The following ERBB4 variants were observed in gnomAD, a reference collection of about 807,000 sequenced individuals.
ERBB4 encodes the protein erb-b2 receptor tyrosine kinase 4.
A neutral mutation model predicts 158.0 loss-of-function variants in ERBB4; 42 were observed. The observed-to-expected ratio is 0.27, with a 90% CI of 0.21 to 0.34. The LOEUF (loss-of-function observed/expected upper bound fraction) is 0.34. ERBB4 is among the 10% of genes least tolerant of loss of function. ERBB4 has a pLI of 1.00. For synonymous variants in ERBB4, 583 were observed against 558.7 expected (o/e 1.04, Z -0.61); for missense variants, 1,333 against 1,624.1 (o/e 0.82, Z 3.08).
chr2:211,722,847 T>G (rs1306121955), intron 6 of ERBB4, among the ~76,000 whole-genome samples: 3 of 152,242 alleles, frequency 2.0e-5, no homozygotes, highest in Non-Finnish European at 4.4e-5. Flanking sequence ...AGCATTTATA[T>G]TTAGTCTTAA....
chr2:212,375,453 T>C lies in ERBB4; in HGVS notation c.82+162996A>G, dbSNP rs1285367680. ...TGTAATGCAACAATTCTACCATTAA[T>C]ACAACTTTTCTCACTAACGCCACTT... On this transcript the variant is annotated intron_variant, in intron 1 of 27. Transcript: ENST00000342788. Among the ~76,000 whole-genome samples the C allele has an allele frequency of 2.6e-5, 4 of 152,266 alleles. No homozygotes were observed. In the East Asian group the frequency reaches 7.7e-4, roughly 29 times the overall value.
chr2:211,537,929 T>G (rs534785222), intron 20 of ERBB4, among the ~76,000 whole-genome samples: 1 of 151,920 alleles, frequency 6.6e-6, no homozygotes, highest in Non-Finnish European at 1.5e-5. Flanking sequence ...AAATGTGAAA[T>G]TTTATATGTG....
chr2:211,580,787 GATATATATAT>G (rs58919262), intron 19 of ERBB4, among the ~76,000 whole-genome samples: 1 of 67,724 alleles, frequency 1.5e-5, no homozygotes, highest in African/African-American at 5.1e-5. Flanking sequence ...AAGAAATTGT[GATATATATAT>G]ATATATATAT....
intron 1 of ERBB4, among the ~76,000 whole-genome samples, chr2:212,448,333 T>C (rs1439805912): frequency 6.6e-6 from 1 of 152,210 alleles, no homozygotes; most frequent in Non-Finnish European, 1.5e-5. Context: ...GAAATGTCTA[T>C]ATAATTTTGA....
intron 5 of ERBB4, among the ~76,000 whole-genome samples, chr2:211,725,604 T>C (rs1030643591): frequency 7.2e-5 from 11 of 152,072 alleles, no homozygotes; most frequent in Admixed American, 3.9e-4. Flanking sequence ...TTGGGCAGCA[T>C]AGTGGGACTC....
intron 1 of ERBB4, among the ~76,000 whole-genome samples, chr2:212,170,385 G>C (rs960871678): frequency 5.3e-5 from 8 of 152,152 alleles, no homozygotes; most frequent in African/African-American, 1.9e-4. Flanking sequence ...TAAAAGTTTG[G>C]AAAATTTGCA....
chr2:212,350,263 T>A (rs187106099), intron 1 of ERBB4, among the ~76,000 whole-genome samples: 71 of 152,246 alleles, frequency 4.7e-4, no homozygotes, highest in Non-Finnish European at 1.8e-4. Flanking sequence ...GCTGACAACA[T>A]AACTATTTAG....
chr2:211,599,610 C>T (rs1320909211), intron 19 of ERBB4, among the ~76,000 whole-genome samples: 1 of 150,514 alleles, frequency 6.6e-6, no homozygotes, highest in Non-Finnish European at 1.5e-5. Context: ...TGTTAAATGT[C>T]TTCTTTCACC....
At chr2:212,072,411 T>G (rs1000625017) in intron 2 of ERBB4, among the ~76,000 whole-genome samples, 1 of 151,882 alleles carries the variant, frequency 6.6e-6, no homozygotes, top group Non-Finnish European at 1.5e-5. Flanking sequence ...AATTCACAAA[T>G]CCTTAAAATT....
chr2:211,567,932 C>T (rs62180221), intron 19 of ERBB4, among the ~76,000 whole-genome samples: 1,745 of 151,776 alleles, frequency 0.011, 24 homozygotes, highest in South Asian at 0.063. Flanking sequence ...CATAGAGTGT[C>T]GGCTTTCAAT....
At chr2:211,779,517 C>T (rs2075981872) in intron 4 of ERBB4, 1 of 152,212 alleles carries the variant, frequency 6.6e-6, no homozygotes, top group Non-Finnish European at 1.5e-5. Context: ...TACAGCACTT[C>T]CTTGGTCTAT....
chr2:211,431,605 A>T (rs2063749858), intron 20 of ERBB4, among the ~76,000 whole-genome samples: 1 of 151,006 alleles, frequency 6.6e-6, no homozygotes, highest in Non-Finnish European at 1.5e-5. Flanking sequence ...AGGCTGAAGA[A>T]TTATACTATT....
At chr2:212,224,296 C>T (rs937671221) in intron 1 of ERBB4, among the ~76,000 whole-genome samples, 5 of 151,732 alleles carry the variant, frequency 3.3e-5, no homozygotes, top group African/African-American at 4.8e-5. Context: ...GCAAAGTCAG[C>T]GTACTGTGAC....
intron 2 of ERBB4, among the ~76,000 whole-genome samples, chr2:212,004,346 A>C (rs1411345634): frequency 1.3e-5 from 2 of 152,184 alleles, no homozygotes; most frequent in African/African-American, 2.4e-5. Context: ...GATACCCACA[A>C]AATGCTAGAA....
At chr2:212,043,113 C>A (rs553754791) in intron 2 of ERBB4, among the ~76,000 whole-genome samples, 2 of 152,218 alleles carry the variant, frequency 1.3e-5, no homozygotes, top group South Asian at 4.1e-4. Flanking sequence ...CTGTTAGTAC[C>A]TTTATGCTTT....
intron 2 of ERBB4, among the ~76,000 whole-genome samples, chr2:212,050,754 T>A (rs1342805616): frequency 6.6e-6 from 1 of 151,928 alleles, no homozygotes; most frequent in African/African-American, 2.4e-5. Flanking sequence ...GTTGTATCAT[T>A]CTCATTCACT....
At chr2:211,711,213 C>G (rs2073687580) in intron 9 of ERBB4, among the ~76,000 whole-genome samples, 1 of 151,894 alleles carries the variant, frequency 6.6e-6, no homozygotes, top group Non-Finnish European at 1.5e-5. Flanking sequence ...TTGTTCTTGC[C>G]ATTCCTATTT....
chr2:212,106,260 C>T (rs1032997972), intron 2 of ERBB4, among the ~76,000 whole-genome samples: 13 of 152,082 alleles, frequency 8.5e-5, no homozygotes, highest in Non-Finnish European at 1.8e-4. Context: ...ATGATATGGA[C>T]AATGAAATCC....
chr2:211,390,207 A>G lies in ERBB4; in HGVS notation c.3136-2215T>C, dbSNP rs143023197. ...CAAGTATTTAACAAATATTTACTAA[A>G]TCTCTACAGTGAAAGCACAGGCACT... On this transcript the variant is annotated intron_variant, in intron 25 of 27. Transcript: ENST00000342788. 2.2e-3 allele frequency among the ~76,000 whole-genome samples: 334 copies of G among 152,314 alleles called. 1 individual carries two copies. The highest frequency in any genetic ancestry group is 3.5e-3 in the Non-Finnish European group (240 of 68,024).
Sources: gnomAD v4.1 joint callset for allele counts (sites outside exome capture counted in the v4.1 genomes callset) on GRCh38, gnomAD v4.1.1 for gene constraint, MANE v1.5 for transcripts, NCBI Gene and HGNC (gene_info 2026-07-23, HGNC 2026-07-21) for gene names.